The following SAMHD1 variants were observed in gnomAD, a reference collection of about 807,000 sequenced individuals.
SAMHD1 encodes the protein SAM and HD domain containing deoxynucleoside triphosphate triphosphohydrolase 1.
Under a neutral mutation model 79.6 loss-of-function variants are expected in SAMHD1, and 54 were observed. The ratio of observed to expected loss-of-function variants is 0.68; its 90% CI spans 0.55 to 0.85. The LOEUF is 0.85. Ranked by LOEUF, SAMHD1 falls within the 40% of genes least tolerant of loss-of-function variation. The pLI is 0.00. For missense variants in SAMHD1, 663 were observed against 782.7 expected (o/e 0.85, Z 1.82); for synonymous variants, 260 against 264.1 (o/e 0.98, Z 0.15).
intron 13 of SAMHD1, among the ~76,000 whole-genome samples, chr20:36,898,961 G>C (rs1445793905): frequency 6.6e-6 from 1 of 151,566 alleles, no homozygotes; most frequent in Non-Finnish European, 1.5e-5. Flanking sequence ...GAGCCTTCTG[G>C]GGATTTGGAA....
In SAMHD1 at chr20:36,951,530, G is replaced by C. The variant is rs757642528; in HGVS notation, c.114C>G (p.Leu38=). 5.1e-5 allele frequency: 82 copies of C among 1,614,098 alleles called. No homozygotes were observed. The highest frequency in any genetic ancestry group is 6.7e-5 in the Non-Finnish European group (79 of 1,180,026). The stretch of plus-strand genomic sequence containing the variant: ...GACCCCATGTCTTGTAGTCGGGATG[G>C]AGTTCCAGGCCCGGGGACCAGTCTG... ...AEADWSPGLE[L]HPDYKTWGPE... The change falls in exon 1 of 16, where the codon CTC becomes CTG. Residue 38 remains leucine (L), a synonymous_variant. Coordinates refer to ENST00000646673, the MANE Select transcript of SAMHD1 (RefSeq NM_015474.4).
chr20:36,942,310 C>G (rs1188005332), intron 2 of SAMHD1, among the ~76,000 whole-genome samples: 1 of 151,986 alleles, frequency 6.6e-6, no homozygotes. Context: ...CCCAGCTACT[C>G]GGGAGGCTGA....
At chr20:36,935,261 T>C in intron 3 of SAMHD1, 72 bp from the exon 4 acceptor site, 1 of 1,225,390 alleles carries the variant, frequency 8.2e-7, no homozygotes, top group Non-Finnish European at 1.2e-6. Context: ...CAGCCATTCC[T>C]AATTATAGTG....
intron 6 of SAMHD1, among the ~76,000 whole-genome samples, chr20:36,926,504 G>A (rs1190187460): frequency 1.3e-5 from 2 of 151,982 alleles, no homozygotes; most frequent in Non-Finnish European, 1.5e-5. Flanking sequence ...CTGGGTAATA[G>A]TCATATGGAT....
In SAMHD1 at chr20:36,947,554, GTGTGTGTGTGT is replaced by G. The variant is rs1158536665; in HGVS notation, c.209-761_209-751del. On this transcript the variant is annotated intron_variant, in intron 1 of 15. Transcript: ENST00000646673. Reference sequence around the variant, plus strand: ...CAATACTCTGATTTGGAAGAGGGGTGTGTGTGTGTGTGTGTGTGTGTGTGTGTGTGTGTGTG... The same window carrying G: ...CAATACTCTGATTTGGAAGAGGGGTGGTGTGTGTGTGTGTGTGTGTGTGTG... Among the ~76,000 whole-genome samples, 44 of 21,800 alleles carry G rather than the reference GTGTGTGTGTGT, an allele frequency of 2.0e-3. No individual in the cohort carries two copies. In the East Asian group the frequency reaches 0.024, roughly 12 times the overall value. 14.3% of individuals were successfully genotyped at this position (21,800 alleles called of 152,430 possible).
At chr20:36,905,164 T>C in intron 12 of SAMHD1, 200 bp downstream of exon 12, 1 of 602,824 alleles carries the variant, frequency 1.7e-6, no homozygotes, top group Non-Finnish European at 2.9e-6. Flanking sequence ...TATGCTTTCA[T>C]GAGCAAGTTA....
At chr20:36,935,306 T>C in intron 3 of SAMHD1, 117 bp from the exon 4 acceptor site, 2 of 819,036 alleles carry the variant, frequency 2.4e-6, no homozygotes. Context: ...CAAGTAAAAA[T>C]ACTAACGGAA....
In SAMHD1 at chr20:36,947,549, GGGGTGTGTGTGTGT is replaced by G. The variant is rs1294394071; in HGVS notation, c.209-759_209-746del. ...GCACTCAATACTCTGATTTGGAAGA[GGGGTGTGTGTGTGT>G]GTGTGTGTGTGTGTGTGTGTGTGTG... On this transcript the variant is annotated intron_variant, in intron 1 of 15. Coordinates refer to ENST00000646673, the MANE Select transcript of SAMHD1 (RefSeq NM_015474.4). Among the ~76,000 whole-genome samples, 191 of 60,784 alleles carry G rather than the reference GGGGTGTGTGTGTGT, an allele frequency of 3.1e-3. 5 individuals carry two copies. Among genetic ancestry groups the G allele is most frequent in the Middle Eastern group, 0.013 (1 of 78 alleles). 39.9% of individuals were successfully genotyped at this position (60,784 alleles called of 152,430 possible).
chr20:36,912,552 C>T lies in SAMHD1; in HGVS notation c.1063G>A (p.Glu355Lys). The T allele has an allele frequency of 6.2e-7, 1 of 1,602,294 alleles. No individual in the cohort carries two copies. The highest frequency in any genetic ancestry group is 8.5e-7 in the Non-Finnish European group (1 of 1,169,636). ...AACATGTCATACAGATTTCCAACTT[C>T]CTGCAGGAAAACATGAAGTAAATAT... ...NELRICARDKEVGNLYDMFHT... is the reference protein window; with the variant it reads ...NELRICARDKKVGNLYDMFHT... Residue 355 changes from glutamate (E) to lysine (K), a missense_variant and splice_region_variant, in exon 10 of 16, where the codon GAA becomes AAA. Transcript: ENST00000646673.
rs1170635132 is a variant in SAMHD1, at chr20:36,890,919, A to G, written c.*2013T>C. 1 of 152,262 alleles carries G rather than the reference A, an allele frequency of 6.6e-6. No individual in the cohort carries two copies. Among genetic ancestry groups the G allele is most frequent in the Non-Finnish European group, 1.5e-5 (1 of 68,042 alleles). The allele number at this position is 152,262 out of a possible 1,614,324, so 9.4% of individuals were successfully genotyped here. Reference sequence around the variant, plus strand: ...GTTTTGCAGACAGCACAATGATACAATATTAGGACTACAGAATCTCAGAGT... The same window carrying G: ...GTTTTGCAGACAGCACAATGATACAGTATTAGGACTACAGAATCTCAGAGT... On this transcript the variant is annotated 3_prime_UTR_variant, in exon 16 of 16. Coordinates refer to ENST00000646673, the MANE Select transcript of SAMHD1 (RefSeq NM_015474.4).
downstream of SAMHD1, chr20:36,889,873 A>G (rs1052479781): frequency 1.3e-5 from 2 of 152,470 alleles, no homozygotes; most frequent in African/African-American, 4.8e-5. Flanking sequence ...AACTCTTAAC[A>G]TTTTCATGTA....
intron 9 of SAMHD1, among the ~76,000 whole-genome samples, chr20:36,913,122 G>C (rs577935171): frequency 6.8e-6 from 1 of 147,980 alleles, no homozygotes; most frequent in East Asian, 2.0e-4. Flanking sequence ...TCAGTCTCCC[G>C]AGTGGCTGGG....
intron 9 of SAMHD1, among the ~76,000 whole-genome samples, chr20:36,916,131 A>T (rs2148368522): frequency 6.6e-6 from 1 of 152,144 alleles, no homozygotes; most frequent in East Asian, 1.9e-4. Context: ...ACTGCACTCC[A>T]GCCTGGGTGA....
rs1390804343 is a variant in SAMHD1 at position 36,892,032 on chromosome 20, G to A, written c.*900C>T. Reference sequence around the variant, plus strand: ...TGGGAAGGCCCTCTGGACCGGGGGAGTGAGTATTCAGGGGACAAAGGCACT... The same window carrying A: ...TGGGAAGGCCCTCTGGACCGGGGGAATGAGTATTCAGGGGACAAAGGCACT... On this transcript the variant is annotated 3_prime_UTR_variant, in exon 16 of 16. Transcript: ENST00000646673. The A allele has an allele frequency of 6.6e-6, 1 of 152,386 alleles. No individual in the cohort carries two copies. Among genetic ancestry groups the A allele is most frequent in the Non-Finnish European group, 1.5e-5 (1 of 68,174 alleles). The allele number at this position is 152,386 out of a possible 1,614,324, so 9.4% of individuals were successfully genotyped here. A position where few individuals can be genotyped will look rare whatever the true frequency, so the allele number is the denominator to read the frequency against.
chr20:36,907,509 G>A (rs1364656395), intron 11 of SAMHD1, among the ~76,000 whole-genome samples: 1 of 150,584 alleles, frequency 6.6e-6, no homozygotes, highest in Non-Finnish European at 1.5e-5. Flanking sequence ...GGGACTAAAG[G>A]CACATGCCGC....
intron 1 of SAMHD1, chr20:36,947,132 G>A (rs1027554360): frequency 7.1e-6 from 2 of 280,222 alleles, no homozygotes; most frequent in African/African-American, 4.5e-5. Context: ...GAGTTGGGGA[G>A]GGAAGGAAAC....
At chr20:36,921,406 A>C (rs1231219451) in intron 6 of SAMHD1, among the ~76,000 whole-genome samples, 2 of 151,634 alleles carry the variant, frequency 1.3e-5, no homozygotes, top group Non-Finnish European at 2.9e-5. Flanking sequence ...AAAAAAAAAA[A>C]AAAAAACGAA....
At position 36,951,623 on chromosome 20, in the gene SAMHD1, C is replaced by A; in HGVS notation, c.21G>T (p.Glu7Asp). 1 of 1,613,930 alleles carries A rather than the reference C, an allele frequency of 6.2e-7. No individual in the cohort carries two copies. Among genetic ancestry groups the A allele is most frequent in the Non-Finnish European group, 8.5e-7 (1 of 1,179,984 alleles). Residue 7 changes from glutamate (E) to aspartate (D), a missense_variant, in exon 1 of 16, where the codon GAG (glutamate) becomes GAT (aspartate). By Grantham distance (45) the Glu-to-Asp change is conservative (BLOSUM62 2). Coordinates refer to ENST00000646673, the MANE Select transcript of SAMHD1 (RefSeq NM_015474.4). MQRADS[E>D]QPSKRPRCDD... ...CGCAACGGGGACGCTTGGAGGGCTG[C>A]TCGGAATCGGCTCGCTGCATGGCTA... is the stretch of plus-strand genomic sequence containing the variant.
At chr20:36,909,550 A>G (rs1182947988) in intron 11 of SAMHD1, among the ~76,000 whole-genome samples, 2 of 151,756 alleles carry the variant, frequency 1.3e-5, no homozygotes, top group Non-Finnish European at 2.9e-5. Flanking sequence ...GGGCGCCTGT[A>G]ATCCCAGCTA....
Sources: allele counts gnomAD v4.1 joint callset (sites outside exome capture counted in the v4.1 genomes callset), GRCh38; gene constraint gnomAD v4.1.1; transcripts MANE v1.5; gene names NCBI Gene and HGNC (gene_info 2026-07-23, HGNC 2026-07-21).